Variants in FGF13 observed in about 807,000 individuals in gnomAD.
The protein encoded by FGF13 is fibroblast growth factor homologous factor 2.
FGF13 carries 2 observed loss-of-function variants against 19.5 expected under a neutral mutation model. The observed-to-expected ratio is 0.10, with a 90% confidence interval of 0.04 to 0.32. The LOEUF (loss-of-function observed/expected upper bound fraction) is 0.32. Ranked by LOEUF, FGF13 falls within the 10% of genes least tolerant of loss-of-function variation. FGF13 has a pLI of 1.00. For synonymous variants in FGF13, 72 were observed against 76.9 expected, an observed-to-expected ratio of 0.94 and a Z score of 0.33; for missense variants, 113 against 192.7, an observed-to-expected ratio of 0.59 and a Z score of 2.45.
rs774260719 is a variant in FGF13 at position 139,006,202 on chromosome X, A to G, written c.-112-141552T>C. On this transcript the variant is annotated intron_variant, in intron 1 of 2. Coordinates refer to the FGF13 transcript ENST00000421460. ...AAAGCAGCATGAGAAAAGAAACAAC[A>G]TAAAATGGAGCTCCAATACGTCTGG... Among the ~76,000 whole-genome samples the G allele has an allele frequency of 2.3e-3, 252 of 111,672 alleles. 3 individuals are homozygous for G. The highest frequency in any genetic ancestry group is 7.9e-3 in the African/African-American group (242 of 30,794).
chrX:139,171,539 A>G (rs1393737802), intron 1 of FGF13, among the ~76,000 whole-genome samples: 1 of 111,814 alleles, frequency 8.9e-6, no homozygotes, highest in African/African-American at 3.2e-5. Context: ...AACAGATCCT[A>G]TGCCCCAGTC....
At chrX:138,749,227 G>A (rs2090378220) in intron 3 of FGF13, among the ~76,000 whole-genome samples, 1 of 109,239 alleles carries the variant, frequency 9.2e-6, no homozygotes, top group African/African-American at 3.3e-5. Context: ...AGGAAGAGCA[G>A]GAGGCAACTA....
At chrX:139,102,711 AG>A (rs1485431852) in intron 1 of FGF13, among the ~76,000 whole-genome samples, 2 of 112,412 alleles carry the variant, frequency 1.8e-5, no homozygotes, top group African/African-American at 6.5e-5. Flanking sequence ...ATAGAAAAGC[AG>A]CCCCATCTCA....
At chrX:138,778,701 C>G (rs2090611755) in intron 3 of FGF13, among the ~76,000 whole-genome samples, 2 of 112,054 alleles carry the variant, frequency 1.8e-5, no homozygotes, top group Admixed American at 1.9e-4. Flanking sequence ...TAGCACAACA[C>G]TCTGAGATCA....
chrX:138,780,594 C>A (rs2090632366), intron 3 of FGF13, among the ~76,000 whole-genome samples: 1 of 92,612 alleles, frequency 1.1e-5, no homozygotes, highest in African/African-American at 4.1e-5. Context: ...GTAAAGGGAT[C>A]AATTCAACAA....
intron 3 of FGF13, among the ~76,000 whole-genome samples, chrX:138,749,982 G>A (rs2090385962): frequency 8.9e-6 from 1 of 111,842 alleles, no homozygotes; most frequent in Non-Finnish European, 1.9e-5. Context: ...TAGAGGCAGA[G>A]AGAACTACGG....
chrX:138,868,967 A>G (rs1268010483), intron 1 of FGF13, among the ~76,000 whole-genome samples: 1 of 111,379 alleles, frequency 9.0e-6, no homozygotes, highest in East Asian at 2.8e-4. Context: ...GGCAAAAAAA[A>G]TTATAGTGCA....
At chrX:138,732,836 G>T (rs1429377281) in intron 1 of FGF13, among the ~76,000 whole-genome samples, 1 of 111,271 alleles carries the variant, frequency 9.0e-6, no homozygotes. Flanking sequence ...TGAGTCACTG[G>T]TGCAGAAGAA....
At chrX:138,811,456 G>C (rs2090924496) in intron 3 of FGF13, among the ~76,000 whole-genome samples, 1 of 110,189 alleles carries the variant, frequency 9.1e-6, no homozygotes. Context: ...GGGGTGGGGG[G>C]AGTGTGGAGG....
chrX:139,129,401 G>A (rs889533226), intron 1 of FGF13, among the ~76,000 whole-genome samples: 2 of 110,706 alleles, frequency 1.8e-5, no homozygotes, highest in African/African-American at 6.6e-5. Context: ...TGGAGAACAG[G>A]GAGAAGACAG....
At chrX:138,904,925 T>C (rs1232783012) in intron 1 of FGF13, among the ~76,000 whole-genome samples, 2 of 112,324 alleles carry the variant, frequency 1.8e-5, no homozygotes, top group African/African-American at 6.5e-5. Flanking sequence ...CAGGACTCTT[T>C]CTATTAGAGA....
At chrX:139,030,521 C>G (rs1196159557) in intron 1 of FGF13, among the ~76,000 whole-genome samples, 1 of 111,778 alleles carries the variant, frequency 8.9e-6, no homozygotes, top group Non-Finnish European at 1.9e-5. Flanking sequence ...TATTACCTCA[C>G]AGTTCTGTGG....
chrX:138,792,452 T>C (rs776212144), intron 3 of FGF13, among the ~76,000 whole-genome samples: 22 of 111,803 alleles, frequency 2.0e-4, no homozygotes, highest in Middle Eastern at 4.6e-3. Context: ...CCCTAGAGCA[T>C]GTGACCAAAG....
At chrX:138,996,449 G>A (rs1018071059) in intron 1 of FGF13, among the ~76,000 whole-genome samples, 3 of 112,947 alleles carry the variant, frequency 2.7e-5, no homozygotes, top group African/African-American at 9.6e-5. Flanking sequence ...TGAAATCCTC[G>A]CTGCTAGCGC....
chrX:138,649,799 G>C (rs1189494481), intron 3 of FGF13, among the ~76,000 whole-genome samples: 1 of 112,411 alleles, frequency 8.9e-6, no homozygotes, highest in African/African-American at 3.2e-5. Flanking sequence ...TTTGTGTAAA[G>C]AATCACAATG....
rs2089077599 is a variant in FGF13, at chrX:138,627,633, G to GTC, written c.*5216_*5217insGA. Reference sequence around the variant, plus strand: ...TGTGTGTGTGTGTGTGTGTGCGCGTGTGTGTGTGTGTGTGTGTGAAGTGTT... The same window carrying GTC: ...TGTGTGTGTGTGTGTGTGTGCGCGTGTCTGTGTGTGTGTGTGTGTGAAGTGTT... On this transcript the variant is annotated 3_prime_UTR_variant, in exon 5 of 5. Coordinates refer to ENST00000315930, the MANE Select transcript of FGF13 (RefSeq NM_004114.5). 2 of 95,723 alleles carry GTC rather than the reference G, an allele frequency of 2.1e-5. No homozygotes were observed. Among genetic ancestry groups the GTC allele is most frequent in the African/African-American group, 9.2e-5 (2 of 21,779 alleles). 7.9% of individuals were successfully genotyped at this position (95,723 alleles called of 1,213,427 possible).
chrX:138,634,185 C>T (rs1355835365), intron 4 of FGF13, among the ~76,000 whole-genome samples: 1 of 111,422 alleles, frequency 9.0e-6, no homozygotes, highest in African/African-American at 3.3e-5. Flanking sequence ...GTTAAGTGTA[C>T]ACACATTTTT....
chrX:138,782,680 A>G (rs2090655339), intron 3 of FGF13, among the ~76,000 whole-genome samples: 5 of 86,983 alleles, frequency 5.7e-5, no homozygotes, highest in Admixed American at 2.7e-4. Flanking sequence ...AAACAAATGG[A>G]AGAACATTCC....
At chrX:139,059,757 C>G (rs1416626303) in intron 1 of FGF13, among the ~76,000 whole-genome samples, 1 of 112,385 alleles carries the variant, frequency 8.9e-6, no homozygotes, top group Non-Finnish European at 1.9e-5. Flanking sequence ...GCCATATAGC[C>G]TTCCATTTTA....
Sources: gnomAD v4.1 joint callset for allele counts (sites outside exome capture counted in the v4.1 genomes callset) on GRCh38, gnomAD v4.1.1 for gene constraint, MANE v1.5 for transcripts, NCBI Gene and HGNC (gene_info 2026-07-23, HGNC 2026-07-21) for gene names.